The following PIK3C3 variants were observed in gnomAD, a reference collection of about 807,000 sequenced individuals.
The protein encoded by PIK3C3 is phosphatidylinositol 3-kinase catalytic subunit type 3.
A neutral mutation model predicts 126.1 loss-of-function variants in PIK3C3; 95 were observed. That is an observed-to-expected ratio of 0.75 (90% confidence interval 0.64 to 0.89). PIK3C3 has a LOEUF of 0.89. Among genes scored for constraint, PIK3C3 ranks in the 40% least tolerant of loss-of-function variants. The pLI is 0.00. For missense variants in PIK3C3, 829 were observed against 1,063.2 expected (o/e 0.78, Z 3.06); for synonymous variants, 374 against 360.0 (o/e 1.04, Z -0.44).
At chr18:41,968,848 C>T (rs1035104472) in intron 3 of PIK3C3, among the ~76,000 whole-genome samples, 3 of 151,526 alleles carry the variant, frequency 2.0e-5, no homozygotes, top group Admixed American at 2.0e-4. Flanking sequence ...AACAGGGTCT[C>T]ACTTTCTCAC....
rs887842599 is a variant in PIK3C3 at position 41,988,707 on chromosome 18, A to G, written c.618+809A>G. Among the ~76,000 whole-genome samples, 5 of 152,218 alleles carry G rather than the reference A, an allele frequency of 3.3e-5. No individual in the cohort carries two copies. In the South Asian group the frequency reaches 1.0e-3, roughly 32 times the overall value. ...AGTTAGATTTTAGCATTATTCTTTTATTTTAAAATAAAGGTAGTGATGTTT... is the reference window on the plus strand; with the variant it reads ...AGTTAGATTTTAGCATTATTCTTTTGTTTTAAAATAAAGGTAGTGATGTTT... On this transcript the variant is annotated intron_variant, in intron 5 of 24. Coordinates refer to ENST00000262039, the MANE Select transcript of PIK3C3 (RefSeq NM_002647.4).
chr18:42,040,135 A>ACAT (rs1984240920), intron 18 of PIK3C3, among the ~76,000 whole-genome samples: 2 of 140,332 alleles, frequency 1.4e-5, no homozygotes, highest in Non-Finnish European at 3.0e-5. Flanking sequence ...TCCTTCTTCC[A>ACAT]CATACTGTCT....
intron 10 of PIK3C3, among the ~76,000 whole-genome samples, chr18:42,010,575 A>G (rs1982776548): frequency 6.6e-6 from 1 of 152,176 alleles, no homozygotes. Context: ...CATGTTAGCC[A>G]GGCTGGCCTT....
chr18:42,026,381 C>T (rs575499936), intron 13 of PIK3C3: 7 of 152,132 alleles, frequency 4.6e-5, no homozygotes, highest in Non-Finnish European at 8.8e-5. Flanking sequence ...ACATATTGCT[C>T]ACAGGATGTT....
intron 21 of PIK3C3, chr18:42,057,529 C>G (rs1985125264): frequency 5.3e-6 from 1 of 188,762 alleles, no homozygotes; most frequent in Admixed American, 6.4e-5. Flanking sequence ...TAAACTTTAG[C>G]ACAAAAAATT....
intron 19 of PIK3C3, among the ~76,000 whole-genome samples, chr18:42,042,273 C>T (rs1446160618): frequency 6.6e-6 from 1 of 152,150 alleles, no homozygotes; most frequent in Non-Finnish European, 1.5e-5. Context: ...CTCACTGTGT[C>T]TTCATAGGAC....
At chr18:42,023,314 A>G (rs1354138136) in intron 13 of PIK3C3, among the ~76,000 whole-genome samples, 1 of 152,216 alleles carries the variant, frequency 6.6e-6, no homozygotes, top group Non-Finnish European at 1.5e-5. Context: ...TTGATCTCTT[A>G]TTTCAAGTAG....
Position 42,084,937 on chromosome 18 carries a change from CAG to C in PIK3C3, c.*3801_*3802del, listed in dbSNP as rs1986368125. The C allele has an allele frequency of 6.6e-6, 1 of 152,218 alleles. No individual in the cohort carries two copies. The highest frequency in any genetic ancestry group is 2.4e-5 in the African/African-American group (1 of 41,414). The allele number at this position is 152,218 out of a possible 1,614,324, so 9.4% of individuals were successfully genotyped here. A position where few individuals can be genotyped will look rare whatever the true frequency, so the allele number is the denominator to read the frequency against. On this transcript the variant is annotated 3_prime_UTR_variant, in exon 25 of 25. Transcript: ENST00000262039. Reference sequence around the variant, plus strand: ...GTCCAGAGATTCCACAGGCCAGTGTCAGGGAACAGGGGCCAGGGCTGGGAAGG... The same window carrying C: ...GTCCAGAGATTCCACAGGCCAGTGTCGGAACAGGGGCCAGGGCTGGGAAGG...
intron 15 of PIK3C3, among the ~76,000 whole-genome samples, 165 bp downstream of exon 15, chr18:42,029,606 G>A (rs1381006480): frequency 7.7e-6 from 1 of 130,106 alleles, no homozygotes; most frequent in Non-Finnish European, 1.5e-5. Context: ...GCAGTGGCAC[G>A]ATCTCGGCTC....
chr18:42,006,240 C>T (rs1232953374), intron 10 of PIK3C3, among the ~76,000 whole-genome samples: 6 of 150,532 alleles, frequency 4.0e-5, no homozygotes, highest in Non-Finnish European at 5.9e-5. Flanking sequence ...GGGTTGAGGT[C>T]CTGAGCACAG....
At chr18:42,078,074 G>A (rs1443632208) in intron 24 of PIK3C3, among the ~76,000 whole-genome samples, 1 of 152,162 alleles carries the variant, frequency 6.6e-6, no homozygotes, top group African/African-American at 2.4e-5. Flanking sequence ...TTCAACAGTG[G>A]GCTTAAAATT....
intron 22 of PIK3C3, among the ~76,000 whole-genome samples, chr18:42,063,249 T>G (rs1418988963): frequency 6.6e-6 from 1 of 152,212 alleles, no homozygotes; most frequent in Non-Finnish European, 1.5e-5. Flanking sequence ...TTCATTATAT[T>G]AGTTTACACC....
chr18:42,076,149 T>TATATATATGCAC (rs1555643416), intron 24 of PIK3C3, among the ~76,000 whole-genome samples: 1 of 88,626 alleles, frequency 1.1e-5, no homozygotes, highest in African/African-American at 6.6e-5. Flanking sequence ...TATATGCGCA[T>TATATATATGCAC]ATATATATAT....
At chr18:42,044,657 A>G (rs1984481520) in intron 20 of PIK3C3, among the ~76,000 whole-genome samples, 1 of 152,042 alleles carries the variant, frequency 6.6e-6, no homozygotes, top group African/African-American at 2.4e-5. Context: ...GGCTCAAACG[A>G]TCACCACCTG....
At chr18:41,986,358 A>T (rs1419386430) in intron 4 of PIK3C3, among the ~76,000 whole-genome samples, 1 of 152,154 alleles carries the variant, frequency 6.6e-6, no homozygotes, top group East Asian at 1.9e-4. Flanking sequence ...GACCTTTTAC[A>T]TTTTCATTTA....
chr18:42,076,078 G>A (rs1468186658), intron 24 of PIK3C3, among the ~76,000 whole-genome samples: 1 of 113,614 alleles, frequency 8.8e-6, no homozygotes, highest in African/African-American at 3.4e-5. Flanking sequence ...AGCACTGGCT[G>A]CTTTACCTTG....
At chr18:41,998,753 T>C (rs942978425) in intron 9 of PIK3C3, among the ~76,000 whole-genome samples, 10 of 152,128 alleles carry the variant, frequency 6.6e-5, no homozygotes, top group African/African-American at 1.9e-4. Flanking sequence ...CACTATGGAG[T>C]AAACCAAATA....
rs528119684 is a variant in PIK3C3 at position 42,049,284 on chromosome 18, C to T, written c.2189-247C>T. ...TGTTATAATTTAAGGTCTCCTGAAC[C>T]TAACTTAAGTTTTGATGCAAGTGAC... On this transcript the variant is annotated intron_variant, in intron 20 of 24. Coordinates refer to ENST00000262039, the MANE Select transcript of PIK3C3 (RefSeq NM_002647.4). 2.8e-4 allele frequency: 97 copies of T among 347,542 alleles called. 2 individuals are homozygous for T. The highest frequency in any genetic ancestry group is 8.9e-4 in the East Asian group (18 of 20,238). 21.5% of individuals were successfully genotyped at this position (347,542 alleles called of 1,614,324 possible). A position where few individuals can be genotyped will look rare whatever the true frequency, so the allele number is the denominator to read the frequency against.
chr18:41,988,430 C>T (rs1981605367), intron 5 of PIK3C3, among the ~76,000 whole-genome samples: 1 of 152,058 alleles, frequency 6.6e-6, no homozygotes, highest in South Asian at 2.1e-4. Flanking sequence ...AGAGTCCTGC[C>T]AAAAGTTGTA....
Sources: gnomAD v4.1 joint callset for allele counts (sites outside exome capture counted in the v4.1 genomes callset) on GRCh38, gnomAD v4.1.1 for gene constraint, MANE v1.5 for transcripts, NCBI Gene and HGNC (gene_info 2026-07-23, HGNC 2026-07-21) for gene names.